Variants in BNIP1 observed in about 807,000 individuals in gnomAD.
BNIP1 encodes BCL2 interacting protein 1.
BNIP1 carries 25 observed loss-of-function variants against 28.5 expected under a neutral mutation model. The ratio of observed to expected loss-of-function variants is 0.88; its 90% CI spans 0.64 to 1.23. The LOEUF (loss-of-function observed/expected upper bound fraction) is 1.23, where lower values mean the gene tolerates loss of function less well. Ranked by LOEUF, BNIP1 falls within the 50% of genes most tolerant of loss-of-function variation. The pLI, the probability that BNIP1 is intolerant of heterozygous loss-of-function variation, is 0.00. For missense variants in BNIP1, 276 were observed against 277.0 expected (o/e 1.00, Z 0.02); for synonymous variants, 118 against 101.7 (o/e 1.16, Z -0.96).
intron 1 of BNIP1, chr5:173,144,869 C>T: frequency 2.1e-6 from 1 of 484,266 alleles, no homozygotes; most frequent in Non-Finnish European, 3.7e-6. Context: ...TGTTCTCCGC[C>T]CCTGACTCAG....
chr5:173,154,049 GA>G (rs1208515415), intron 2 of BNIP1, among the ~76,000 whole-genome samples: 2 of 152,162 alleles, frequency 1.3e-5, no homozygotes, highest in African/African-American at 4.8e-5. Flanking sequence ...CAGCAGCTCT[GA>G]CGCCAGGACA....
chr5:173,160,387 A>G (rs1289033942), intron 5 of BNIP1, among the ~76,000 whole-genome samples: 1 of 151,972 alleles, frequency 6.6e-6, no homozygotes, highest in Non-Finnish European at 1.5e-5. Flanking sequence ...GGCCTGCACC[A>G]CCACACCCGG....
chr5:173,162,966 T>G (rs1046746701), intron 5 of BNIP1, among the ~76,000 whole-genome samples: 3 of 152,216 alleles, frequency 2.0e-5, no homozygotes, highest in Admixed American at 6.5e-5. Flanking sequence ...ATGGAAACAT[T>G]TCACAGGCGT....
intron 3 of BNIP1, among the ~76,000 whole-genome samples, chr5:173,157,931 T>G (rs1259635273): frequency 1.3e-5 from 2 of 151,410 alleles, no homozygotes; most frequent in African/African-American, 2.4e-5. Context: ...TGTGTGTTTT[T>G]TTTTTTTTTT....
Position 173,159,318 on chromosome 5 carries a change from C to T in BNIP1, c.371+473C>T, listed in dbSNP as rs564731524. Among the ~76,000 whole-genome samples the T allele has an allele frequency of 1.0e-3, 156 of 152,254 alleles. 2 individuals carry two copies. In the South Asian group the frequency reaches 0.015, roughly 14 times the overall value. ...CCTCCCAAAGTGCTAGGATTATAGG[C>T]GTGAGCCACCATGCCCGGCCGAAAA... On this transcript the variant is annotated intron_variant, in intron 4 of 5. Transcript: ENST00000351486.
intron 2 of BNIP1, chr5:173,151,619 G>A: frequency 1.2e-6 from 2 of 1,609,088 alleles, no homozygotes; most frequent in Non-Finnish European, 8.5e-7. Context: ...TTTTTTTTAA[G>A]CTAACTTATT....
In BNIP1 at chr5:173,164,014, C is replaced by T; in HGVS notation, c.*93C>T. ...TAGGCTGCTAAGCTGAGCCACACACCCCTCCGTTTGCACCAGTTGCCTGCA... is the reference window on the plus strand; with the variant it reads ...TAGGCTGCTAAGCTGAGCCACACACTCCTCCGTTTGCACCAGTTGCCTGCA... On this transcript the variant is annotated 3_prime_UTR_variant, in exon 6 of 6. Transcript: ENST00000351486. The surrounding 1 kb of genome is among the most constrained non-coding windows in gnomAD (Gnocchi z 4.0). 1 of 1,295,740 alleles carries T rather than the reference C, an allele frequency of 7.7e-7. No individual in the cohort carries two copies. 80.3% of individuals were successfully genotyped at this position (1,295,740 alleles called of 1,614,324 possible). A position where few individuals can be genotyped will look rare whatever the true frequency, so the allele number is the denominator to read the frequency against.
At chr5:173,162,108 C>G (rs1341665299) in intron 5 of BNIP1, among the ~76,000 whole-genome samples, 1 of 152,126 alleles carries the variant, frequency 6.6e-6, no homozygotes, top group Non-Finnish European at 1.5e-5. Flanking sequence ...TAAGAAAACT[C>G]TAGCCCAGGA....
chr5:173,163,519 A>AC (rs1039345837), intron 5 of BNIP1, among the ~76,000 whole-genome samples: 12 of 151,212 alleles, frequency 7.9e-5, no homozygotes, highest in African/African-American at 2.2e-4. Context: ...TCCCAGACAA[A>AC]CCCCCCCTCA....
At chr5:173,146,268 C>T (rs1433297518) in intron 1 of BNIP1, among the ~76,000 whole-genome samples, 2 of 152,208 alleles carry the variant, frequency 1.3e-5, no homozygotes, top group African/African-American at 4.8e-5. Flanking sequence ...TTACACAGCT[C>T]ATAAGTTGCT....
intron 5 of BNIP1, chr5:173,160,806 C>CTATGA: frequency 2.2e-6 from 1 of 456,174 alleles, no homozygotes; most frequent in South Asian, 1.5e-5. Flanking sequence ...TACTCCCCAA[C>CTATGA]GTTATTTTTC....
chr5:173,148,257 A>G (rs981185523), intron 2 of BNIP1, among the ~76,000 whole-genome samples: 5 of 150,620 alleles, frequency 3.3e-5, no homozygotes, highest in African/African-American at 4.9e-5. Context: ...AGCCCAGACT[A>G]TTGTGTTGCT....
At chr5:173,162,132 G>A (rs891960354) in intron 5 of BNIP1, among the ~76,000 whole-genome samples, 2 of 152,102 alleles carry the variant, frequency 1.3e-5, no homozygotes, top group African/African-American at 4.8e-5. Flanking sequence ...CCATAGAAAC[G>A]CAACAGCAGC....
chr5:173,157,863 T>C (rs1054800205), intron 3 of BNIP1, among the ~76,000 whole-genome samples: 1 of 152,014 alleles, frequency 6.6e-6, no homozygotes, highest in African/African-American at 2.4e-5. Context: ...GTCTGTAGTA[T>C]GGAAAGAACA....
At chr5:173,144,705 C>A in intron 1 of BNIP1, 76 bp downstream of exon 1, 1 of 1,474,620 alleles carries the variant, frequency 6.8e-7, no homozygotes, top group South Asian at 1.2e-5. Flanking sequence ...TTGGCAGTGT[C>A]ACTCCCGAAC....
chr5:173,146,481 A>G (rs1413810616), intron 1 of BNIP1, among the ~76,000 whole-genome samples: 1 of 152,220 alleles, frequency 6.6e-6, no homozygotes, highest in Admixed American at 6.5e-5. Flanking sequence ...AAACATCCTG[A>G]TCTTCCAAGT....
At chr5:173,145,472 A>G (rs1296969357) in intron 1 of BNIP1, among the ~76,000 whole-genome samples, 5 of 151,976 alleles carry the variant, frequency 3.3e-5, no homozygotes, top group African/African-American at 9.7e-5. Flanking sequence ...CGCGATCTCG[A>G]CTCGCGGCAA....
At chr5:173,153,173 A>G (rs1760069947) in intron 2 of BNIP1, among the ~76,000 whole-genome samples, 1 of 151,654 alleles carries the variant, frequency 6.6e-6, no homozygotes, top group Non-Finnish European at 1.5e-5. Flanking sequence ...CCAAGTCTCT[A>G]CAGAGGTTTT....
chr5:173,154,131 C>T (rs1760110325), intron 2 of BNIP1, among the ~76,000 whole-genome samples, 191 bp from the exon 3 acceptor site: 1 of 152,100 alleles, frequency 6.6e-6, no homozygotes, highest in Admixed American at 6.6e-5. Context: ...TAGGGGTTTT[C>T]CTTACTTCCT....
Sources: gnomAD v4.1 joint callset for allele counts (sites outside exome capture counted in the v4.1 genomes callset) on GRCh38, gnomAD v4.1.1 for gene constraint, Gnocchi (gnomAD v3.1) non-coding constraint, MANE v1.5 for transcripts, NCBI Gene and HGNC (gene_info 2026-07-23, HGNC 2026-07-21) for gene names.